Variants in PTPRZ1 observed in about 807,000 individuals in gnomAD.
PTPRZ1 encodes the protein protein tyrosine phosphatase receptor type Z1, also known as receptor-type tyrosine-protein phosphatase zeta.
Under a neutral mutation model 214.1 loss-of-function variants are expected in PTPRZ1, and 82 were observed. The ratio of observed to expected loss-of-function variants is 0.38; its 90% CI spans 0.32 to 0.46. The LOEUF is 0.46. Ranked by LOEUF, PTPRZ1 falls within the 20% of genes least tolerant of loss-of-function variation. The pLI, the probability that PTPRZ1 is intolerant of heterozygous loss-of-function variation, is 1.00. For synonymous variants in PTPRZ1, 945 were observed against 987.9 expected, an observed-to-expected ratio of 0.96 and a Z score of 0.81; for missense variants, 2,603 against 2,748.7, an observed-to-expected ratio of 0.95 and a Z score of 1.19.
Position 121,978,915 on chromosome 7 carries a change from T to C in PTPRZ1, c.619+2064T>C, listed in dbSNP as rs140213681. On this transcript the variant is annotated intron_variant, in intron 6 of 29. Coordinates refer to ENST00000393386, the MANE Select transcript of PTPRZ1 (RefSeq NM_002851.3). ...TTTCTGACTCTAGAAAATCCCCTAC[T>C]GCCCAATAAACTGAAGGCTCCCCCA... 3.4e-3 allele frequency among the ~76,000 whole-genome samples: 515 copies of C among 152,232 alleles called. 2 individuals are homozygous for C. Among genetic ancestry groups the C allele is most frequent in the African/African-American group, 0.012 (493 of 41,538 alleles).
chr7:121,945,497 AT>A (rs1453720038), intron 2 of PTPRZ1, among the ~76,000 whole-genome samples: 1 of 152,036 alleles, frequency 6.6e-6, no homozygotes. Context: ...TTGCAAATTC[AT>A]TTTTTTATTT....
chr7:121,954,113 A>G (rs1327880679), intron 2 of PTPRZ1, among the ~76,000 whole-genome samples: 1 of 152,204 alleles, frequency 6.6e-6, no homozygotes, highest in Non-Finnish European at 1.5e-5. Flanking sequence ...TCTCTGCCCT[A>G]GTTTAGATCC....
chr7:121,895,566 G>A (rs1045701393), intron 1 of PTPRZ1, among the ~76,000 whole-genome samples: 1 of 152,092 alleles, frequency 6.6e-6, no homozygotes, highest in Non-Finnish European at 1.5e-5. Flanking sequence ...AAGTTGTAAA[G>A]GCTTAGTTTA....
Position 122,011,315 on chromosome 7 carries a change from A to G in PTPRZ1, c.2269A>G (p.Thr757Ala). 3 of 1,614,106 alleles carry G rather than the reference A, an allele frequency of 1.9e-6. No homozygotes were observed. The South Asian group carries it at 3.3e-5, about 18-fold the overall frequency. Residue 757 changes from threonine to alanine, a missense_variant, in exon 12 of 30, where the codon ACA becomes GCA. Around this residue, in one of 6 missense-constraint regions of PTPRZ1, gnomAD observed 1,913 missense variants for 1,914.3 expected, o/e 1.00. Coordinates refer to ENST00000393386, the MANE Select transcript of PTPRZ1 (RefSeq NM_002851.3). Reference sequence around the variant, plus strand: ...AACCCAACCGGTATACAATGGTGAGACACCTCTTCAACCTTCCTACAGTAG... The same window carrying G: ...AACCCAACCGGTATACAATGGTGAGGCACCTCTTCAACCTTCCTACAGTAG... ...QTTQPVYNGE[T>A]PLQPSYSSEV...
chr7:121,970,259 C>CA (rs1169612948), intron 3 of PTPRZ1, among the ~76,000 whole-genome samples: 3 of 152,132 alleles, frequency 2.0e-5, no homozygotes, highest in African/African-American at 7.2e-5. Flanking sequence ...CCACAATAAA[C>CA]ATGCATGTGC....
chr7:121,908,047 A>G (rs1474185995), intron 1 of PTPRZ1, among the ~76,000 whole-genome samples: 1 of 152,078 alleles, frequency 6.6e-6, no homozygotes, highest in Non-Finnish European at 1.5e-5. Flanking sequence ...TGAACCAATG[A>G]TTTTAATTTT....
At chr7:121,913,112 A>G (rs1048582242) in intron 1 of PTPRZ1, among the ~76,000 whole-genome samples, 8 of 152,142 alleles carry the variant, frequency 5.3e-5, no homozygotes, top group Admixed American at 5.2e-4. Context: ...AAAAATTATT[A>G]CTCAATTATA....
intron 1 of PTPRZ1, among the ~76,000 whole-genome samples, chr7:121,913,193 A>T (rs2116316153): frequency 1.3e-5 from 2 of 152,258 alleles, no homozygotes; most frequent in Middle Eastern, 3.4e-3. Context: ...AAGGCTTGGG[A>T]TTGGGTGAGG....
chr7:122,011,387 C>T lies in PTPRZ1; in HGVS notation c.2341C>T (p.Leu781Phe). 6.2e-7 allele frequency: 1 copy of T among 1,614,050 alleles called. No individual in the cohort carries two copies. Among genetic ancestry groups the T allele is most frequent in the Non-Finnish European group, 8.5e-7 (1 of 1,179,934 alleles). ...VTPLLLDNQI[L>F]NTTPAASSSD... ...CCCTTTGTTGCTTGACAATCAGATCCTCAACACTACCCCTGCTGCTTCAAG... is the reference window on the plus strand; with the variant it reads ...CCCTTTGTTGCTTGACAATCAGATCTTCAACACTACCCCTGCTGCTTCAAG... Residue 781 changes from leucine (L) to phenylalanine (F), a missense_variant, in exon 12 of 30, where the codon CTC becomes TTC. By Grantham distance (22) the Leu-to-Phe change is conservative (BLOSUM62 0). Coordinates refer to ENST00000393386, the MANE Select transcript of PTPRZ1 (RefSeq NM_002851.3).
intron 8 of PTPRZ1, among the ~76,000 whole-genome samples, chr7:121,994,258 C>G (rs1173572820): frequency 8.6e-6 from 1 of 116,088 alleles, no homozygotes; most frequent in African/African-American, 3.1e-5. Context: ...GATTGTTATG[C>G]TTTGTATGTA....
intron 13 of PTPRZ1, among the ~76,000 whole-genome samples, chr7:122,024,869 G>T (rs77955643): frequency 0.067 from 10,218 of 152,110 alleles, 461 homozygotes; most frequent in East Asian, 0.2. Context: ...CATAGTTATT[G>T]GTACATCCTC....
At chr7:122,042,469 GA>G (rs1440315479) in intron 21 of PTPRZ1, 138 bp from the exon 22 acceptor site, 13 of 777,824 alleles carry the variant, frequency 1.7e-5, no homozygotes, top group Non-Finnish European at 2.3e-5. Flanking sequence ...TTACAATATT[GA>G]ATTGCCAAAT....
chr7:121,994,611 A>G (rs1039736932), intron 8 of PTPRZ1, among the ~76,000 whole-genome samples: 2 of 152,168 alleles, frequency 1.3e-5, no homozygotes, highest in East Asian at 1.9e-4. Flanking sequence ...GAAGTCTACA[A>G]ATGATATTGT....
intron 17 of PTPRZ1, among the ~76,000 whole-genome samples, chr7:122,034,665 GT>G (rs1362015910): frequency 6.6e-6 from 1 of 151,880 alleles, no homozygotes; most frequent in Non-Finnish European, 1.5e-5. Context: ...TCCCTTGGTG[GT>G]TTTTGTCATT....
chr7:121,891,803 T>C (rs1027726299), intron 1 of PTPRZ1, among the ~76,000 whole-genome samples: 4 of 152,104 alleles, frequency 2.6e-5, no homozygotes, highest in South Asian at 2.1e-4. Context: ...TTTTTAATTA[T>C]TCTAGACATT....
chr7:121,884,697 A>T (rs1176352364), intron 1 of PTPRZ1, among the ~76,000 whole-genome samples: 2 of 152,138 alleles, frequency 1.3e-5, no homozygotes. Context: ...TTTTTTAATA[A>T]ATTCTTTTTG....
intron 14 of PTPRZ1, 107 bp from the exon 15 acceptor site, chr7:122,031,367 A>G (rs1799364490): frequency 8.0e-6 from 6 of 754,108 alleles, no homozygotes; most frequent in Non-Finnish European, 1.3e-5. Context: ...AGATTTAGTT[A>G]GAATTATACA....
At chr7:121,873,697 G>A in intron 1 of PTPRZ1, 140 bp downstream of exon 1, 1 of 1,084,144 alleles carries the variant, frequency 9.2e-7, no homozygotes, top group Non-Finnish European at 1.3e-6. Flanking sequence ...GGCTCCCACG[G>A]AGCGGGCGGC....
chr7:122,042,609 G>T lies in PTPRZ1; in HGVS notation c.5803G>T (p.Ala1935Ser). 6.3e-7 allele frequency: 1 copy of T among 1,593,102 alleles called. No homozygotes were observed. Among genetic ancestry groups the T allele is most frequent in the Non-Finnish European group, 8.6e-7 (1 of 1,166,226 alleles). Residue 1935 changes from alanine to serine, a missense_variant and splice_region_variant, in exon 22 of 30, where the codon GCT becomes TCT. By Grantham distance (99) the Ala-to-Ser change is moderately conservative. Around this residue, in one of 6 missense-constraint regions of PTPRZ1, gnomAD observed 1,913 missense variants for 1,914.3 expected, o/e 1.00. Coordinates refer to ENST00000393386, the MANE Select transcript of PTPRZ1 (RefSeq NM_002851.3). ...TTTATTTCTTGGTCTTCTCTTCAGT[G>T]CTGGAGTTGGAAGAACAGGCACATA... Reference protein sequence around the residue: ...AVGPVVVHCSAGVGRTGTYIV... With the variant: ...AVGPVVVHCSSGVGRTGTYIV...
Sources: gnomAD v4.1 joint callset for allele counts (sites outside exome capture counted in the v4.1 genomes callset) on GRCh38, gnomAD v4.1.1 for gene constraint, gnomAD v4.1.1 regional missense constraint, MANE v1.5 for transcripts, NCBI Gene and HGNC (gene_info 2026-07-23, HGNC 2026-07-21) for gene names.